Variants in EPHA5 observed in about 807,000 individuals in gnomAD.
EPHA5 encodes the protein EPH receptor A5, also known as ephrin type-A receptor 5.
A neutral mutation model predicts 105.0 loss-of-function variants in EPHA5; 60 were observed. The ratio of observed to expected loss-of-function variants is 0.57; its 90% confidence interval spans 0.46 to 0.71. The LOEUF is 0.71. EPHA5 is among the 30% of genes least tolerant of loss of function. The probability of loss-of-function intolerance (pLI) is 0.00; values close to 1 mark genes in which losing one functional copy is unlikely to be tolerated. For missense variants in EPHA5, 1,218 were observed against 1,274.7 expected, an observed-to-expected ratio of 0.96 and a Z score of 0.68; for synonymous variants, 513 against 449.1, an observed-to-expected ratio of 1.14 and a Z score of -1.80.
chr4:65,387,422 T>A (rs1269920822), intron 8 of EPHA5, among the ~76,000 whole-genome samples: 1 of 151,996 alleles, frequency 6.6e-6, no homozygotes, highest in African/African-American at 2.4e-5. Context: ...GGATGAAGAT[T>A]TAGAAGCCCC....
intron 13 of EPHA5, among the ~76,000 whole-genome samples, chr4:65,351,129 T>C (rs1722774607): frequency 6.6e-6 from 1 of 150,766 alleles, no homozygotes; most frequent in Non-Finnish European, 1.5e-5. Flanking sequence ...GTATCCATTC[T>C]GAAGTAAGAT....
In EPHA5 at chr4:65,624,862, G is replaced by C. The variant is rs1005866540; in HGVS notation, c.246+18501C>G. ...GCTCAGATTTCTTACCAATAAAGTG[G>C]AAATAATCATTGTGCCTAACTCTTG... On this transcript the variant is annotated intron_variant, in intron 2 of 16. Coordinates refer to ENST00000613740, the MANE Select transcript of EPHA5 (RefSeq NM_001281766.3). Among the ~76,000 whole-genome samples, 5 of 152,144 alleles carry C rather than the reference G, an allele frequency of 3.3e-5. No homozygotes were observed. In the South Asian group the frequency reaches 8.3e-4, roughly 25 times the overall value.
intron 3 of EPHA5, among the ~76,000 whole-genome samples, chr4:65,526,955 A>G (rs1313190552): frequency 6.6e-6 from 1 of 152,078 alleles, no homozygotes; most frequent in Non-Finnish European, 1.5e-5. Context: ...AACATAAAAG[A>G]GATCCTCATT....
chr4:65,415,798 T>G (rs1723330713), intron 6 of EPHA5, among the ~76,000 whole-genome samples: 1 of 152,040 alleles, frequency 6.6e-6, no homozygotes, highest in South Asian at 2.1e-4. Flanking sequence ...CGTGTAATGC[T>G]CTTCCATTAT....
intron 4 of EPHA5, among the ~76,000 whole-genome samples, chr4:65,493,016 A>G (rs2149219491): frequency 6.7e-6 from 1 of 150,334 alleles, no homozygotes; most frequent in South Asian, 2.1e-4. Flanking sequence ...TGCCAACTGA[A>G]AAATCCTTGC....
chr4:65,372,293 T>C (rs377389235), intron 8 of EPHA5, among the ~76,000 whole-genome samples: 3 of 151,924 alleles, frequency 2.0e-5, no homozygotes, highest in African/African-American at 4.8e-5. Context: ...AGCTAACTTA[T>C]CCTCATAAAA....
intron 8 of EPHA5, among the ~76,000 whole-genome samples, chr4:65,373,669 G>A (rs1179956818): frequency 6.6e-6 from 1 of 151,748 alleles, no homozygotes; most frequent in East Asian, 1.9e-4. Flanking sequence ...CATTTATTAT[G>A]TCTCTGATTT....
chr4:65,596,525 C>G (rs1400163564), intron 3 of EPHA5, among the ~76,000 whole-genome samples: 1 of 151,954 alleles, frequency 6.6e-6, no homozygotes, highest in Non-Finnish European at 1.5e-5. Flanking sequence ...ACGCAGAGTA[C>G]TCTCAAAAAT....
At chr4:65,507,354 T>C (rs1251769153) in intron 3 of EPHA5, among the ~76,000 whole-genome samples, 1 of 152,066 alleles carries the variant, frequency 6.6e-6, no homozygotes, top group Non-Finnish European at 1.5e-5. Context: ...ATGCAGGCTC[T>C]TTTTTGGTTC....
intron 3 of EPHA5, among the ~76,000 whole-genome samples, chr4:65,535,497 T>C (rs1736204148): frequency 6.6e-6 from 1 of 152,178 alleles, no homozygotes; most frequent in Non-Finnish European, 1.5e-5. Context: ...TTTTTCATCT[T>C]ATCTATATAG....
At chr4:65,666,361 T>A (rs1749965602) in intron 1 of EPHA5, among the ~76,000 whole-genome samples, 1 of 152,216 alleles carries the variant, frequency 6.6e-6, no homozygotes, top group Admixed American at 6.5e-5. Context: ...TGCAGGGCTG[T>A]TCAGCAGTAA....
chr4:65,384,116 A>G (rs932308980), intron 8 of EPHA5, among the ~76,000 whole-genome samples: 3 of 151,868 alleles, frequency 2.0e-5, no homozygotes, highest in Non-Finnish European at 4.4e-5. Context: ...AGGCTGTGGA[A>G]GGCCAAATAG....
chr4:65,634,205 G>C (rs759691828), intron 2 of EPHA5, among the ~76,000 whole-genome samples: 1 of 152,088 alleles, frequency 6.6e-6, no homozygotes, highest in South Asian at 2.1e-4. Context: ...ATTAGGAAAA[G>C]TGTTTTGAGA....
intron 8 of EPHA5, among the ~76,000 whole-genome samples, chr4:65,393,639 T>C (rs1578001886): frequency 6.6e-6 from 1 of 152,346 alleles, no homozygotes; most frequent in East Asian, 1.9e-4. Context: ...TTGAATTATG[T>C]CTCAATTGCA....
At chr4:65,419,979 C>G (rs1213356956) in intron 6 of EPHA5, among the ~76,000 whole-genome samples, 1 of 152,056 alleles carries the variant, frequency 6.6e-6, no homozygotes, top group Non-Finnish European at 1.5e-5. Context: ...AAATTTTATA[C>G]TACAGTGCCA....
chr4:65,665,703 T>C (rs1215799109), intron 1 of EPHA5, among the ~76,000 whole-genome samples: 1 of 152,070 alleles, frequency 6.6e-6, no homozygotes, highest in Non-Finnish European at 1.5e-5. Flanking sequence ...CTCTCTGTCT[T>C]ATATGAGTAA....
intron 1 of EPHA5, 192 bp downstream of exon 1, chr4:65,669,370 C>A: frequency 1.0e-6 from 1 of 980,678 alleles, no homozygotes; most frequent in Non-Finnish European, 1.2e-6. Flanking sequence ...CCGCAGCTAA[C>A]GTCAAACAAT....
intron 2 of EPHA5, among the ~76,000 whole-genome samples, chr4:65,641,503 C>A (rs907024966): frequency 6.6e-6 from 1 of 152,072 alleles, no homozygotes; most frequent in South Asian, 2.1e-4. Context: ...CTTATCTAAT[C>A]ACAAATGGCA....
rs543229366 is a variant in EPHA5, at chr4:65,319,612, A to G, written c.*4502T>C. On this transcript the variant is annotated 3_prime_UTR_variant, in exon 17 of 17. Coordinates refer to ENST00000613740, the MANE Select transcript of EPHA5 (RefSeq NM_001281766.3). ...TTTCTGAAAAAATATAAAATTTCAT[A>G]TCTTACACTACAAAAAGCATGTACA... 7.0e-5 allele frequency: 15 copies of G among 213,732 alleles called. No individual in the cohort carries two copies. Among genetic ancestry groups the G allele is most frequent in the African/African-American group, 2.7e-4 (12 of 44,438 alleles). The allele number at this position is 213,732 out of a possible 1,614,324, so 13.2% of individuals were successfully genotyped here. A position where few individuals can be genotyped will look rare whatever the true frequency, so the allele number is the denominator to read the frequency against.
Sources: allele counts gnomAD v4.1 joint callset (sites outside exome capture counted in the v4.1 genomes callset), GRCh38; gene constraint gnomAD v4.1.1; transcripts MANE v1.5; gene names NCBI Gene and HGNC (gene_info 2026-07-23, HGNC 2026-07-21).